The following ATXN2 variants were observed in gnomAD, a reference collection of about 807,000 sequenced individuals.
ATXN2 encodes the protein ataxin 2.
ATXN2 carries 37 observed loss-of-function variants against 138.6 expected under a neutral mutation model. The observed-to-expected ratio is 0.27, with a 90% CI of 0.21 to 0.35. The LOEUF is 0.35. Among genes scored for constraint, ATXN2 ranks in the 10% least tolerant of loss-of-function variants. The probability of loss-of-function intolerance (pLI) is 1.00; values close to 1 mark genes in which losing one functional copy is unlikely to be tolerated. For synonymous variants in ATXN2, 549 were observed against 543.7 expected (o/e 1.01, Z -0.13); for missense variants, 1,216 against 1,480.3 (o/e 0.82, Z 2.93).
At chr12:111,527,561 T>C (rs899207301) in intron 5 of ATXN2, among the ~76,000 whole-genome samples, 4 of 152,204 alleles carry the variant, frequency 2.6e-5, no homozygotes, top group African/African-American at 9.6e-5. Flanking sequence ...TGTGTGTACC[T>C]GTACATCAGG....
intron 5 of ATXN2, among the ~76,000 whole-genome samples, chr12:111,539,870 T>A (rs1881404074): frequency 6.6e-6 from 1 of 150,490 alleles, no homozygotes; most frequent in South Asian, 2.1e-4. Context: ...GGAATTGAAA[T>A]GCCAATACTA....
At chr12:111,567,493 C>T (rs940634090) in intron 1 of ATXN2, among the ~76,000 whole-genome samples, 7 of 142,598 alleles carry the variant, frequency 4.9e-5, no homozygotes, top group Non-Finnish European at 1.1e-4. Context: ...GAGCGAGACC[C>T]CATTTCAAAA....
At chr12:111,523,115 C>T (rs1377836706) in intron 6 of ATXN2, among the ~76,000 whole-genome samples, 3 of 151,120 alleles carry the variant, frequency 2.0e-5, no homozygotes, top group Non-Finnish European at 4.4e-5. Context: ...CCCTTCTCTA[C>T]TAAAAACACA....
chr12:111,554,122 C>T lies in ATXN2; in HGVS notation c.348+36G>A, dbSNP rs192536857. ...TTCATGGAATTACTTTATTCTACCC[C>T]CAAGGCAGTTTATCCCCAATAATCT... is the stretch of plus-strand genomic sequence containing the variant. On this transcript the variant is annotated intron_variant, in intron 3 of 24. Coordinates refer to ENST00000673436, the MANE Select transcript of ATXN2 (RefSeq NM_001372574.1). 6,979 of 1,344,876 alleles carry T rather than the reference C, an allele frequency of 5.2e-3. 24 individuals carry two copies. Among genetic ancestry groups the T allele is most frequent in the Middle Eastern group, 6.1e-3 (34 of 5,548 alleles). The allele number at this position is 1,344,876 out of a possible 1,614,324, so 83.3% of individuals were successfully genotyped here.
chr12:111,556,296 A>C (rs772117785), intron 1 of ATXN2, among the ~76,000 whole-genome samples: 2 of 152,190 alleles, frequency 1.3e-5, no homozygotes, highest in African/African-American at 2.4e-5. Context: ...GGATCACCAG[A>C]GTCCAGGAGT....
At chr12:111,570,116 T>A (rs1339487775) in intron 1 of ATXN2, among the ~76,000 whole-genome samples, 2 of 152,168 alleles carry the variant, frequency 1.3e-5, no homozygotes, top group African/African-American at 4.8e-5. Context: ...ATTCCCATCT[T>A]CTCGAGTTCT....
In ATXN2 at chr12:111,453,498, C is replaced by T; in HGVS notation, c.3439+179G>A. The T allele has an allele frequency of 7.5e-7, 1 of 1,338,494 alleles. No homozygotes were observed. Among genetic ancestry groups the T allele is most frequent in the Admixed American group, 3.7e-5 (1 of 27,108 alleles). The allele number at this position is 1,338,494 out of a possible 1,614,324, so 82.9% of individuals were successfully genotyped here. A position where few individuals can be genotyped will look rare whatever the true frequency, so the allele number is the denominator to read the frequency against. On this transcript the variant is annotated intron_variant, in intron 24 of 24. Coordinates refer to ENST00000673436, the MANE Select transcript of ATXN2 (RefSeq NM_001372574.1). The surrounding 1 kb of genome is among the most constrained non-coding windows in gnomAD (Gnocchi z 5.4). ...ATCAGAACACACACAGACTCGGCTC[C>T]CGGAAGCCTCAGGCCCTGATGCTGA...
intron 7 of ATXN2, 105 bp downstream of exon 7, chr12:111,520,777 G>GT: frequency 1.6e-6 from 1 of 626,088 alleles, no homozygotes; most frequent in Admixed American, 3.9e-5. Context: ...ATTATTTCAT[G>GT]TAATTGTTTA....
chr12:111,544,991 C>T (rs1315502274), intron 5 of ATXN2, among the ~76,000 whole-genome samples: 1 of 151,912 alleles, frequency 6.6e-6, no homozygotes, highest in Non-Finnish European at 1.5e-5. Flanking sequence ...AACCCCATCT[C>T]TACTAAAAAT....
intron 5 of ATXN2, among the ~76,000 whole-genome samples, chr12:111,549,963 G>A (rs937168541): frequency 6.6e-6 from 1 of 151,408 alleles, no homozygotes; most frequent in African/African-American, 2.4e-5. Flanking sequence ...TCGGGAGGCT[G>A]AGGCAAGAGA....
At chr12:111,514,374 G>A (rs1027134394) in intron 10 of ATXN2, among the ~76,000 whole-genome samples, 3 of 152,182 alleles carry the variant, frequency 2.0e-5, no homozygotes, top group African/African-American at 7.2e-5. Context: ...AGGTAAAAGA[G>A]TGGACAGAAT....
At chr12:111,464,289 T>C (rs1434658875) in intron 21 of ATXN2, among the ~76,000 whole-genome samples, 1 of 148,846 alleles carries the variant, frequency 6.7e-6, no homozygotes, top group Non-Finnish European at 1.5e-5. Flanking sequence ...TGTGTATAAA[T>C]AAACATTTTA....
chr12:111,510,042 G>A (rs762566243), intron 12 of ATXN2, 44 bp from the exon 13 acceptor site: 12 of 1,365,188 alleles, frequency 8.8e-6, no homozygotes, highest in African/African-American at 1.5e-5. Flanking sequence ...AGTTAGAAAA[G>A]CAAAACAAGA....
chr12:111,459,248 A>G (rs571478608), intron 21 of ATXN2, among the ~76,000 whole-genome samples: 151 of 152,336 alleles, frequency 9.9e-4, no homozygotes, highest in Middle Eastern at 3.4e-3. Flanking sequence ...TCACAGTCCC[A>G]TAAGTCTATA....
rs750320511 is a variant in ATXN2 at position 111,598,951 on chromosome 12, CTGCTGCTGCTGCTGCTGCTGCTGCTGT to C, written c.57_83del (p.Gln20_Gln28del). 5.0e-3 allele frequency: 117 copies of C among 23,566 alleles called. No individual in the cohort carries two copies. The highest frequency in any genetic ancestry group is 0.04 in the South Asian group (29 of 732). The allele number at this position is 23,566 out of a possible 1,614,324, so 1.5% of individuals were successfully genotyped here. ...GGACATTGGCAGCCGCGGGCGGCGG[CTGCTGCTGCTGCTGCTGCTGCTGCTGT>C]TGCTGCTGCTGCTGCTGCTGCTGCT... is the stretch of plus-strand genomic sequence containing the variant. On this transcript the variant is annotated inframe_deletion, in exon 1 of 25. Coordinates refer to ENST00000673436, the MANE Select transcript of ATXN2 (RefSeq NM_001372574.1). The surrounding 1 kb of genome is among the most constrained non-coding windows in gnomAD (Gnocchi z 4.5).
At chr12:111,576,666 A>C (rs1883668877) in intron 1 of ATXN2, among the ~76,000 whole-genome samples, 1 of 151,770 alleles carries the variant, frequency 6.6e-6, no homozygotes, top group South Asian at 2.1e-4. Context: ...TATTTGTAAT[A>C]AACACAGGGT....
Position 111,598,989 on chromosome 12 carries a change from G to C in ATXN2, c.46C>G (p.Gln16Glu). 2 of 1,469,424 alleles carry C rather than the reference G, an allele frequency of 1.4e-6. No homozygotes were observed. Among genetic ancestry groups the C allele is most frequent in the South Asian group, 2.5e-5 (2 of 79,536 alleles). 91.0% of individuals were successfully genotyped at this position (1,469,424 alleles called of 1,614,324 possible). The change falls in exon 1 of 25, where the codon CAG (glutamine) becomes GAG (glutamate). Residue 16 changes from glutamine to glutamate, a missense_variant. Physicochemically the swap from Gln to Glu is conservative, Grantham distance 29. Around this residue, in one of 4 missense-constraint regions of ATXN2, gnomAD observed 110 missense variants for 88.7 expected, o/e 1.24. Coordinates refer to ENST00000673436, the MANE Select transcript of ATXN2 (RefSeq NM_001372574.1). The surrounding 1 kb of genome is among the most constrained non-coding windows in gnomAD (Gnocchi z 4.5). The stretch of plus-strand genomic sequence containing the variant: ...TGCTGCTGCTGCTGTTGCTGCTGCT[G>C]CTGCTGCTGCTGCTGCTGCTGCTGC... Reference protein sequence around the residue: ...QQQQQQQQQQQQQQQQQQQQQ... With the variant: ...QQQQQQQQQQEQQQQQQQQQQ...
At chr12:111,563,566 T>A (rs1340666794) in intron 1 of ATXN2, among the ~76,000 whole-genome samples, 1 of 152,162 alleles carries the variant, frequency 6.6e-6, no homozygotes, top group African/African-American at 2.4e-5. Flanking sequence ...GAATTTTTAT[T>A]TTATATTAAA....
chr12:111,538,110 A>G (rs1365144561), intron 5 of ATXN2, among the ~76,000 whole-genome samples: 2 of 152,046 alleles, frequency 1.3e-5, no homozygotes, highest in African/African-American at 4.8e-5. Flanking sequence ...TAGAAGAAAA[A>G]AAAAAACCTA....
Sources: gnomAD v4.1 joint callset for allele counts (sites outside exome capture counted in the v4.1 genomes callset) on GRCh38, gnomAD v4.1.1 for gene constraint, gnomAD v4.1.1 regional missense constraint, Gnocchi (gnomAD v3.1) non-coding constraint, MANE v1.5 for transcripts, NCBI Gene and HGNC (gene_info 2026-07-23, HGNC 2026-07-21) for gene names.